CACNG5: variants seen among roughly 807,000 people sequenced by gnomAD.
CACNG5 encodes voltage-dependent calcium channel gamma-5 subunit.
CACNG5 carries 18 observed loss-of-function variants against 24.8 expected under a neutral mutation model. That is an observed-to-expected ratio of 0.73 (90% confidence interval 0.50 to 1.08). The LOEUF (loss-of-function observed/expected upper bound fraction) is 1.08, where lower values mean the gene tolerates loss of function less well. Among genes scored for constraint, CACNG5 ranks in the 50% least tolerant of loss-of-function variants. CACNG5 has a pLI of 0.00. For synonymous variants in CACNG5, 157 were observed against 149.1 expected (o/e 1.05, Z -0.39); for missense variants, 349 against 367.9 (o/e 0.95, Z 0.42).
intron 2 of CACNG5, among the ~76,000 whole-genome samples, chr17:66,877,777 C>A (rs1029941639): frequency 3.3e-5 from 5 of 152,170 alleles, no homozygotes; most frequent in African/African-American, 1.2e-4. Flanking sequence ...ATGAATGTAA[C>A]TATGCCTTCC....
chr17:66,853,496 C>G (rs1015913575), intron 1 of CACNG5, among the ~76,000 whole-genome samples: 3 of 152,204 alleles, frequency 2.0e-5, no homozygotes, highest in Non-Finnish European at 4.4e-5. Flanking sequence ...TCCAAACCTT[C>G]TCCAATATTT....
rs912775181 is a variant in CACNG5, at chr17:66,891,759, G to T, written c.*6519G>T. 1.1e-4 allele frequency among the ~76,000 whole-genome samples: 16 copies of T among 152,242 alleles called. No individual in the cohort carries two copies. Among genetic ancestry groups the T allele is most frequent in the African/African-American group, 3.9e-4 (16 of 41,470 alleles). ...GAGTTCCATTGTGAGGAACACATGA[G>T]AGATGGGATCTATGGTAGCAACCAC... On this transcript the variant is annotated 3_prime_UTR_variant, in exon 6 of 6. Coordinates refer to ENST00000533854, the MANE Select transcript of CACNG5 (RefSeq NM_145811.3).
chr17:66,863,340 GT>G (rs57688485), intron 1 of CACNG5, among the ~76,000 whole-genome samples: 2 of 150,706 alleles, frequency 1.3e-5, no homozygotes, highest in East Asian at 1.9e-4. Flanking sequence ...CACACTCACT[GT>G]TTTTTTTTGT....
chr17:66,876,531 A>C (rs1977079503), intron 1 of CACNG5, among the ~76,000 whole-genome samples: 3 of 152,204 alleles, frequency 2.0e-5, no homozygotes, highest in Admixed American at 1.3e-4. Context: ...CTGCCGATAC[A>C]GCGTGCTGAG....
At position 66,885,589 on chromosome 17, in the gene CACNG5, A is replaced by C. The variant is rs923066184; in HGVS notation, c.*349A>C. 1.1e-4 allele frequency: 26 copies of C among 232,016 alleles called. No individual in the cohort carries two copies. The highest frequency in any genetic ancestry group is 2.9e-4 in the East Asian group (3 of 10,418). The allele number at this position is 232,016 out of a possible 1,614,324, so 14.4% of individuals were successfully genotyped here. On this transcript the variant is annotated 3_prime_UTR_variant, in exon 6 of 6. Coordinates refer to ENST00000533854, the MANE Select transcript of CACNG5 (RefSeq NM_145811.3). ...TATTCTTCCTGCACCCCCCAACTTC[A>C]TGGCCCTGGGCCAGGGCCAGCTCTG...
At position 66,854,491 on chromosome 17, in the gene CACNG5, G is replaced by A. The variant is rs562163417; in HGVS notation, c.-104+19241G>A. On this transcript the variant is annotated intron_variant, in intron 1 of 5. Coordinates refer to ENST00000533854, the MANE Select transcript of CACNG5 (RefSeq NM_145811.3). ...GTGGATCACTTGAGGTCAGGAGTTC[G>A]AGACCAGCCTGGCCAACATGGTGAA... Among the ~76,000 whole-genome samples the A allele has an allele frequency of 4.7e-5, 7 of 150,114 alleles. 1 individual carries two copies. The South Asian group carries it at 1.1e-3, about 23-fold the overall frequency.
At chr17:66,857,192 G>C (rs1023784619) in intron 1 of CACNG5, among the ~76,000 whole-genome samples, 3 of 150,886 alleles carry the variant, frequency 2.0e-5, no homozygotes, top group African/African-American at 7.3e-5. Context: ...CAAGTAGGTG[G>C]GACTGCAAAT....
intron 4 of CACNG5, 103 bp from the exon 5 acceptor site, chr17:66,884,413 G>C (rs1220637852): frequency 4.1e-6 from 5 of 1,227,364 alleles, no homozygotes; most frequent in African/African-American, 1.5e-5. Context: ...TTACCCCAAG[G>C]CTGGTGGCTT....
At chr17:66,855,807 A>G (rs1976768423) in intron 1 of CACNG5, among the ~76,000 whole-genome samples, 1 of 152,212 alleles carries the variant, frequency 6.6e-6, no homozygotes, top group African/African-American at 2.4e-5. Flanking sequence ...ATGCATATGT[A>G]TTTAAAAAAA....
intron 1 of CACNG5, among the ~76,000 whole-genome samples, chr17:66,867,691 C>G (rs1976949497): frequency 6.6e-6 from 1 of 152,164 alleles, no homozygotes; most frequent in Non-Finnish European, 1.5e-5. Context: ...CTGCATATGG[C>G]TAGCCAGTTT....
At chr17:66,876,518 C>T (rs1367736276) in intron 1 of CACNG5, among the ~76,000 whole-genome samples, 2 of 152,252 alleles carry the variant, frequency 1.3e-5, no homozygotes, top group African/African-American at 4.8e-5. Flanking sequence ...TCATTGCTGG[C>T]CCCTGCCGAT....
At chr17:66,849,282 A>C (rs1976679354) in intron 1 of CACNG5, among the ~76,000 whole-genome samples, 1 of 148,978 alleles carries the variant, frequency 6.7e-6, no homozygotes, top group South Asian at 2.2e-4. Context: ...AGGAACACTC[A>C]TCCTCTGAGG....
chr17:66,839,656 T>C (rs1976536407), intron 1 of CACNG5, among the ~76,000 whole-genome samples: 1 of 76,542 alleles, frequency 1.3e-5, no homozygotes. Context: ...GAAGAGAAAA[T>C]GGAGGAACAT....
chr17:66,856,543 G>C (rs1378921921), intron 1 of CACNG5, among the ~76,000 whole-genome samples: 1 of 101,748 alleles, frequency 9.8e-6, no homozygotes, highest in Admixed American at 1.2e-4. Context: ...TTGCCCCCCC[G>C]CCTTTTTTTT....
chr17:66,884,580 G>A lies in CACNG5; in HGVS notation c.489G>A (p.Arg163=). The A allele has an allele frequency of 1.2e-6, 2 of 1,614,130 alleles. No homozygotes were observed. The highest frequency in any genetic ancestry group is 1.7e-6 in the Non-Finnish European group (2 of 1,180,028). Residue 163 remains arginine (R), a synonymous_variant, in exon 5 of 6, where the codon AGG becomes AGA. Coordinates refer to ENST00000533854, the MANE Select transcript of CACNG5 (RefSeq NM_145811.3). ...ISSINDEMLN[R]TKDAETYFNY... ...GCATCAACGATGAGATGCTCAACAG[G>A]ACCAAGGATGCAGAGACCTACTTCA...
Position 66,894,166 on chromosome 17 carries a change from C to G in CACNG5, c.*8926C>G, listed in dbSNP as rs901926905. ...TCTAGGAACCCATCAATTGCACCTC[C>G]TCACTCATGTCCTTCCAGGTGTGGG... is the stretch of plus-strand genomic sequence containing the variant. On this transcript the variant is annotated 3_prime_UTR_variant, in exon 6 of 6. Coordinates refer to ENST00000533854, the MANE Select transcript of CACNG5 (RefSeq NM_145811.3). Among the ~76,000 whole-genome samples the G allele has an allele frequency of 3.9e-5, 6 of 152,188 alleles. No individual in the cohort carries two copies. Among genetic ancestry groups the G allele is most frequent in the Non-Finnish European group, 8.8e-5 (6 of 68,036 alleles).
At chr17:66,841,124 A>G (rs1976561539) in intron 1 of CACNG5, among the ~76,000 whole-genome samples, 1 of 152,144 alleles carries the variant, frequency 6.6e-6, no homozygotes, top group African/African-American at 2.4e-5. Flanking sequence ...TTGGTTTTAT[A>G]TGTTTCAGGG....
intron 1 of CACNG5, among the ~76,000 whole-genome samples, chr17:66,842,831 A>T (rs1976586248): frequency 6.6e-6 from 1 of 152,200 alleles, no homozygotes; most frequent in Non-Finnish European, 1.5e-5. Context: ...GAACCAGGTG[A>T]TGTGCCTACA....
chr17:66,840,277 C>T (rs888925926), intron 1 of CACNG5, among the ~76,000 whole-genome samples: 13 of 152,158 alleles, frequency 8.5e-5, no homozygotes, highest in Non-Finnish European at 1.6e-4. Context: ...TGCAGCAATG[C>T]CATCTGCTGA....
Sources: allele counts gnomAD v4.1 joint callset (sites outside exome capture counted in the v4.1 genomes callset), GRCh38; gene constraint gnomAD v4.1.1; transcripts MANE v1.5; gene names NCBI Gene and HGNC (gene_info 2026-07-23, HGNC 2026-07-21).